Variants in PALM2AKAP2 observed in about 807,000 individuals in gnomAD.
The protein encoded by PALM2AKAP2 is PALM2-AKAP2 fusion protein.
A neutral mutation model predicts 71.5 loss-of-function variants in PALM2AKAP2; 37 were observed. The observed-to-expected ratio is 0.52, with a 90% CI of 0.40 to 0.68. The LOEUF (loss-of-function observed/expected upper bound fraction) is 0.68, where lower values mean the gene tolerates loss of function less well. PALM2AKAP2 is among the 30% of genes least tolerant of loss of function. The probability of loss-of-function intolerance (pLI) is 0.00; values close to 1 mark genes in which losing one functional copy is unlikely to be tolerated. For missense variants in PALM2AKAP2, 1,224 were observed against 1,191.8 expected, an observed-to-expected ratio of 1.03 and a Z score of -0.40; for synonymous variants, 468 against 478.8, an observed-to-expected ratio of 0.98 and a Z score of 0.29.
At chr9:109,913,212 A>G (rs1205055398) in intron 3 of PALM2AKAP2, among the ~76,000 whole-genome samples, 1 of 152,238 alleles carries the variant, frequency 6.6e-6, no homozygotes, top group African/African-American at 2.4e-5. Flanking sequence ...CTTCAAGGTC[A>G]TGGGTGAGCT....
chr9:109,903,792 AT>A (rs759047872), intron 3 of PALM2AKAP2, among the ~76,000 whole-genome samples: 2,183 of 140,702 alleles, frequency 0.016, 14 homozygotes, highest in African/African-American at 0.024. Flanking sequence ...GATTTTCTGG[AT>A]TTTTTTTTTT....
At chr9:110,116,434 G>A (rs974059237) in intron 1 of PALM2AKAP2, among the ~76,000 whole-genome samples, 1 of 152,122 alleles carries the variant, frequency 6.6e-6, no homozygotes, top group African/African-American at 2.4e-5. Context: ...GCACCTTGTA[G>A]GTAGGTGAGG....
chr9:109,959,285 C>A (rs2132109615), intron 6 of PALM2AKAP2, among the ~76,000 whole-genome samples: 1 of 152,328 alleles, frequency 6.6e-6, no homozygotes, highest in South Asian at 2.1e-4. Flanking sequence ...TCTTTAATAG[C>A]TCTGTGTCTT....
At chr9:109,947,897 A>T (rs1297690775) in intron 6 of PALM2AKAP2, among the ~76,000 whole-genome samples, 1 of 152,240 alleles carries the variant, frequency 6.6e-6, no homozygotes, top group Non-Finnish European at 1.5e-5. Flanking sequence ...ACGATCTTTC[A>T]GGTGCTCCTC....
intron 1 of PALM2AKAP2, among the ~76,000 whole-genome samples, chr9:110,133,329 C>T (rs755493465): frequency 7.9e-5 from 12 of 152,154 alleles, no homozygotes; most frequent in Non-Finnish European, 1.3e-4. Flanking sequence ...AATTTCTTCA[C>T]TTGCCTGATT....
intron 3 of PALM2AKAP2, among the ~76,000 whole-genome samples, chr9:109,890,006 T>C (rs573915817): frequency 6.6e-6 from 1 of 152,328 alleles, no homozygotes; most frequent in African/African-American, 2.4e-5. Context: ...ACAAAAAGCT[T>C]TGATAATAGT....
At chr9:110,117,905 G>A (rs1168205986) in intron 1 of PALM2AKAP2, among the ~76,000 whole-genome samples, 1 of 148,706 alleles carries the variant, frequency 6.7e-6, no homozygotes, top group African/African-American at 2.5e-5. Flanking sequence ...ATAGAGAGAG[G>A]GCAAACTATG....
chr9:110,117,725 C>T (rs1835393340), intron 1 of PALM2AKAP2, among the ~76,000 whole-genome samples: 1 of 152,090 alleles, frequency 6.6e-6, no homozygotes. Flanking sequence ...CTGGGTTGAC[C>T]ATTCGTGAGG....
chr9:109,830,974 G>C (rs2131536550), intron 1 of PALM2AKAP2, among the ~76,000 whole-genome samples: 1 of 152,192 alleles, frequency 6.6e-6, no homozygotes, highest in South Asian at 2.1e-4. Flanking sequence ...AGCAGATTTA[G>C]GGGTCATGCA....
intron 6 of PALM2AKAP2, among the ~76,000 whole-genome samples, chr9:109,953,565 C>T (rs533308107): frequency 3.5e-4 from 53 of 152,070 alleles, no homozygotes; most frequent in African/African-American, 1.2e-3. Flanking sequence ...AGGCCAGGTG[C>T]GGTGGCTCAT....
chr9:109,983,975 A>C (rs896827178), intron 6 of PALM2AKAP2, among the ~76,000 whole-genome samples: 3 of 152,214 alleles, frequency 2.0e-5, no homozygotes, highest in African/African-American at 4.8e-5. Flanking sequence ...TATTGAATAA[A>C]TCATCATAAT....
chr9:109,985,400 G>A (rs533791868), intron 6 of PALM2AKAP2, among the ~76,000 whole-genome samples: 2 of 151,708 alleles, frequency 1.3e-5, no homozygotes, highest in South Asian at 2.1e-4. Flanking sequence ...TGGGCCGATC[G>A]CGAGGTCAGG....
chr9:109,797,973 AAAC>A (rs1827312692), intron 1 of PALM2AKAP2, among the ~76,000 whole-genome samples: 4 of 152,196 alleles, frequency 2.6e-5, no homozygotes, highest in African/African-American at 9.7e-5. Context: ...TGGGTGGCTT[AAAC>A]AACAACAATT....
rs148571767 is a variant in PALM2AKAP2 at position 109,923,458 on chromosome 9, A to G, written c.258-277A>G. On this transcript the variant is annotated intron_variant, in intron 3 of 9. Coordinates refer to the PALM2AKAP2 transcript ENST00000302798. Reference sequence around the variant, plus strand: ...CTCCAAATAAGAAAGGTGCACATGCATGGTGTTGGCAGGGAAACATCGAAA... The same window carrying G: ...CTCCAAATAAGAAAGGTGCACATGCGTGGTGTTGGCAGGGAAACATCGAAA... 1.6e-4 allele frequency among the ~76,000 whole-genome samples: 24 copies of G among 152,344 alleles called. No homozygotes were observed. In the East Asian group the frequency reaches 4.4e-3, roughly 28 times the overall value.
At chr9:110,152,687 G>A (rs933433471) in intron 2 of PALM2AKAP2, among the ~76,000 whole-genome samples, 4 of 152,214 alleles carry the variant, frequency 2.6e-5, no homozygotes, top group South Asian at 4.1e-4. Context: ...TGCTGTCACC[G>A]TCCTAATGGA....
chr9:110,136,091 T>A, intron 1 of PALM2AKAP2, 36 bp from the exon 8 acceptor site: 1 of 1,526,510 alleles, frequency 6.6e-7, no homozygotes, highest in Non-Finnish European at 8.8e-7. Context: ...AGAGATGCAG[T>A]ATTTAACCCT....
At chr9:109,649,143 T>A (rs1827191198) in intron 1 of PALM2AKAP2, among the ~76,000 whole-genome samples, 1 of 152,128 alleles carries the variant, frequency 6.6e-6, no homozygotes, top group Non-Finnish European at 1.5e-5. Flanking sequence ...TTACTGTAAG[T>A]CATTGTGTTG....
chr9:110,023,908 G>A (rs553967565), intron 7 of PALM2AKAP2, among the ~76,000 whole-genome samples: 7 of 152,130 alleles, frequency 4.6e-5, no homozygotes, highest in South Asian at 2.1e-4. Flanking sequence ...TGGGAAGATC[G>A]CTTGAGCCCA....
At chr9:110,019,426 C>T (rs1833035366) in intron 7 of PALM2AKAP2, among the ~76,000 whole-genome samples, 1 of 152,064 alleles carries the variant, frequency 6.6e-6, no homozygotes, top group African/African-American at 2.4e-5. Flanking sequence ...AAGAACAAAA[C>T]TACTGTTTGA....
Sources: allele counts gnomAD v4.1 joint callset (sites outside exome capture counted in the v4.1 genomes callset), GRCh38; gene constraint gnomAD v4.1.1; transcripts MANE v1.5; gene names NCBI Gene and HGNC (gene_info 2026-07-23, HGNC 2026-07-21).